The following SLC2A9 variants were observed in gnomAD, a reference collection of about 807,000 sequenced individuals.
The protein encoded by SLC2A9 is solute carrier family 2, facilitated glucose transporter member 9.
Under a neutral mutation model 50.6 loss-of-function variants are expected in SLC2A9, and 39 were observed. The ratio of observed to expected loss-of-function variants is 0.77; its 90% CI spans 0.60 to 1.01. The LOEUF is 1.01. Among genes scored for constraint, SLC2A9 ranks in the 50% least tolerant of loss-of-function variants. The pLI is 0.00. For missense variants in SLC2A9, 686 were observed against 677.6 expected (o/e 1.01, Z -0.14); for synonymous variants, 324 against 276.9 (o/e 1.17, Z -1.69).
intron 3 of SLC2A9, among the ~76,000 whole-genome samples, chr4:9,787,395 A>G (rs1719358509): frequency 6.6e-6 from 1 of 152,126 alleles, no homozygotes; most frequent in Admixed American, 6.5e-5. Context: ...ACTTACAGAA[A>G]CCTTGCAACA....
chr4:9,782,116 C>A, intron 3 of SLC2A9: 1 of 1,548,188 alleles, frequency 6.5e-7, no homozygotes, highest in Non-Finnish European at 8.7e-7. Context: ...CCGTGGGGGG[C>A]TCGGCGGGGG....
chr4:9,991,109 T>G (rs539171930), intron 3 of SLC2A9, among the ~76,000 whole-genome samples: 29 of 152,278 alleles, frequency 1.9e-4, no homozygotes, highest in African/African-American at 6.7e-4. Context: ...GGTGACTCTG[T>G]GGTGTGATTA....
At chr4:9,911,512 C>A (rs539795380) in intron 7 of SLC2A9, among the ~76,000 whole-genome samples, 6 of 152,312 alleles carry the variant, frequency 3.9e-5, no homozygotes, top group African/African-American at 1.4e-4. Context: ...CCAGCCCCCA[C>A]GGTGTGTGCT....
chr4:9,942,073 G>A (rs1748259860), intron 5 of SLC2A9, 28 bp from the exon 6 acceptor site: 3 of 1,613,610 alleles, frequency 1.9e-6, no homozygotes, highest in Non-Finnish European at 1.7e-6. Context: ...GCTGCTGAGT[G>A]CAGTGGCCTT....
chr4:9,878,489 A>C (rs1286641065), intron 10 of SLC2A9, among the ~76,000 whole-genome samples: 1 of 152,096 alleles, frequency 6.6e-6, no homozygotes, highest in Non-Finnish European at 1.5e-5. Context: ...GGTGTTTCCC[A>C]GTTGGTAAAC....
chr4:9,879,374 ATG>A (rs1360416827), intron 10 of SLC2A9: 72 of 976,102 alleles, frequency 7.4e-5, no homozygotes, highest in Non-Finnish European at 8.5e-5. Flanking sequence ...GTGTGTATTT[ATG>A]TGTGTATGTG....
At chr4:9,806,672 A>G (rs926061805) in intron 3 of SLC2A9, among the ~76,000 whole-genome samples, 1 of 152,160 alleles carries the variant, frequency 6.6e-6, no homozygotes, top group Non-Finnish European at 1.5e-5. Context: ...GGCTGTGTGC[A>G]TGGGGGGTGG....
intron 3 of SLC2A9, among the ~76,000 whole-genome samples, chr4:9,811,739 T>G (rs1722923492): frequency 6.6e-6 from 1 of 152,124 alleles, no homozygotes; most frequent in Non-Finnish European, 1.5e-5. Context: ...CACTAAGTTT[T>G]GGGGATATTT....
chr4:9,931,318 G>A (rs186239603), intron 6 of SLC2A9, among the ~76,000 whole-genome samples: 43 of 152,290 alleles, frequency 2.8e-4, no homozygotes, highest in African/African-American at 7.7e-4. Flanking sequence ...AAAGAGGAAT[G>A]AGAAATTGCA....
At chr4:9,782,121 C>G (rs952051787) in intron 3 of SLC2A9, 27 of 1,545,944 alleles carry the variant, frequency 1.7e-5, no homozygotes, top group Non-Finnish European at 2.4e-5. Context: ...GGGGGCTCGG[C>G]GGGGGCACCG....
At chr4:9,798,407 C>T (rs1316031034), downstream of SLC2A9, among the ~76,000 whole-genome samples, 1 of 152,214 alleles carries the variant, frequency 6.6e-6, no homozygotes, top group African/African-American at 2.4e-5. Flanking sequence ...CAATTAGGGA[C>T]TGCCAGAGAA....
chr4:10,003,869 C>G (rs1231928110), intron 2 of SLC2A9, among the ~76,000 whole-genome samples: 1 of 152,156 alleles, frequency 6.6e-6, no homozygotes, highest in Non-Finnish European at 1.5e-5. Context: ...ATGCTCTGTA[C>G]TATTCTAAGA....
intron 3 of SLC2A9, 152 bp downstream of exon 3, chr4:9,996,629 C>A: frequency 1.0e-6 from 1 of 960,816 alleles, no homozygotes; most frequent in Admixed American, 2.1e-5. Flanking sequence ...GGACCTTGGT[C>A]TCTGATTTCT....
chr4:9,911,110 G>C (rs1396048455), intron 7 of SLC2A9, among the ~76,000 whole-genome samples: 2 of 151,804 alleles, frequency 1.3e-5, no homozygotes, highest in Non-Finnish European at 2.9e-5. Flanking sequence ...TAACAAACCT[G>C]CACATTCTCC....
At position 9,783,083 on chromosome 4, in the gene SLC2A9, T is replaced by C. The variant is rs778635010; in HGVS notation, n.386-3018A>G. The C allele has an allele frequency of 1.9e-5, 30 of 1,614,050 alleles. No homozygotes were observed. In the East Asian group the frequency reaches 4.0e-4, roughly 22 times the overall value. ...CTTCGTCTGGTTCGGCTGGGCTAAC[T>C]CCTCACTCAACCCCGTCATCTATGC... On this transcript the variant is annotated intron_variant and non_coding_transcript_variant, in intron 3 of 3. Transcript: ENST00000503803.
chr4:9,961,999 A>G (rs918595215), intron 5 of SLC2A9, among the ~76,000 whole-genome samples: 1 of 152,246 alleles, frequency 6.6e-6, no homozygotes, highest in African/African-American at 2.4e-5. Context: ...AGAAATGCAA[A>G]TCAAAACCAC....
chr4:9,815,044 T>C (rs1378676681), intron 3 of SLC2A9, among the ~76,000 whole-genome samples: 1 of 152,160 alleles, frequency 6.6e-6, no homozygotes, highest in Non-Finnish European at 1.5e-5. Flanking sequence ...GATTGGAAAC[T>C]GGAAGAAGAG....
rs76939345 is a variant in SLC2A9, at chr4:9,999,402, G to A, written c.250-2461C>T. ...CTTTAAAGTGTGTGTGTGTGTGTAC[G>A]GGCACACAAGCATAATGCATATGTG... On this transcript the variant is annotated intron_variant, in intron 2 of 11. Transcript: ENST00000264784. Among the ~76,000 whole-genome samples the A allele has an allele frequency of 4.6e-3, 697 of 151,566 alleles. 3 individuals carry two copies. The highest frequency in any genetic ancestry group is 0.016 in the African/African-American group (644 of 41,234).
chr4:9,772,927 T>C (rs547824660), intron 1 of SLC2A9, among the ~76,000 whole-genome samples: 1 of 152,186 alleles, frequency 6.6e-6, no homozygotes, highest in East Asian at 1.9e-4. Context: ...CACCCACTAA[T>C]GGATGCCATT....
Sources: gnomAD v4.1 joint callset for allele counts (sites outside exome capture counted in the v4.1 genomes callset) on GRCh38, gnomAD v4.1.1 for gene constraint, MANE v1.5 for transcripts, NCBI Gene and HGNC (gene_info 2026-07-23, HGNC 2026-07-21) for gene names.